The following GABRG3 variants were observed in gnomAD, a reference collection of about 807,000 sequenced individuals.
The protein encoded by GABRG3 is gamma-aminobutyric acid type A receptor subunit gamma3.
In GABRG3, 25 loss-of-function variants were observed where a neutral mutation model predicts 48.8. That is an observed-to-expected ratio of 0.51 (90% CI 0.37 to 0.72). GABRG3 has a LOEUF of 0.72. GABRG3 is among the 30% of genes least tolerant of loss of function. The pLI, the probability that GABRG3 is intolerant of heterozygous loss-of-function variation, is 0.00. For missense variants in GABRG3, 394 were observed against 577.9 expected, an observed-to-expected ratio of 0.68 and a Z score of 3.26; for synonymous variants, 227 against 217.6, an observed-to-expected ratio of 1.04 and a Z score of -0.38.
chr15:27,520,447 A>C (rs1891132338), intron 7 of GABRG3, among the ~76,000 whole-genome samples: 1 of 151,466 alleles, frequency 6.6e-6, no homozygotes, highest in African/African-American at 2.4e-5. Context: ...CCCATACGTT[A>C]ATGTCAGGAA....
chr15:27,074,567 G>A (rs1896880543), intron 3 of GABRG3, among the ~76,000 whole-genome samples: 1 of 151,890 alleles, frequency 6.6e-6, no homozygotes, highest in South Asian at 2.1e-4. Flanking sequence ...AGTACCAGGA[G>A]GTGGCTCTAA....
intron 5 of GABRG3, among the ~76,000 whole-genome samples, chr15:27,471,449 C>T (rs1889785460): frequency 6.6e-6 from 1 of 152,184 alleles, no homozygotes; most frequent in Admixed American, 6.5e-5. Flanking sequence ...TCAGGCCCCT[C>T]TCATAATCCT....
intron 3 of GABRG3, among the ~76,000 whole-genome samples, chr15:27,251,664 C>A (rs1407596063): frequency 6.6e-6 from 1 of 152,158 alleles, no homozygotes. Context: ...CTTCACAATG[C>A]AAGCATTTGG....
intron 3 of GABRG3, among the ~76,000 whole-genome samples, chr15:27,248,439 G>A (rs1254718192): frequency 1.3e-5 from 2 of 152,154 alleles, no homozygotes; most frequent in Non-Finnish European, 2.9e-5. Context: ...CATGGTCAGA[G>A]CTGAGTATAC....
intron 3 of GABRG3, among the ~76,000 whole-genome samples, chr15:27,150,040 G>A (rs997737963): frequency 2.6e-5 from 4 of 152,124 alleles, no homozygotes; most frequent in Non-Finnish European, 4.4e-5. Context: ...TCTTACAAGA[G>A]TAACCTGAGA....
intron 3 of GABRG3, among the ~76,000 whole-genome samples, chr15:27,192,863 T>A (rs1353249920): frequency 6.6e-6 from 1 of 152,172 alleles, no homozygotes; most frequent in Non-Finnish European, 1.5e-5. Context: ...GCTTTTGGTC[T>A]TTGATGATGG....
Position 27,341,620 on chromosome 15 carries a change from C to T in GABRG3, c.574+12732C>T, listed in dbSNP as rs1008104625. On this transcript the variant is annotated intron_variant, in intron 5 of 9. Transcript: ENST00000615808. Reference sequence around the variant, plus strand: ...AACATCAAGCACGAAGAGATGAGGTCATCTGCCCCTATCACGCAGGGGGCA... The same window carrying T: ...AACATCAAGCACGAAGAGATGAGGTTATCTGCCCCTATCACGCAGGGGGCA... 1.5e-4 allele frequency among the ~76,000 whole-genome samples: 23 copies of T among 152,178 alleles called. 1 individual carries two copies. The highest frequency in any genetic ancestry group is 1.2e-3 in the Admixed American group (19 of 15,280).
At chr15:27,188,162 T>A (rs549667730) in intron 3 of GABRG3, among the ~76,000 whole-genome samples, 3 of 152,050 alleles carry the variant, frequency 2.0e-5, no homozygotes, top group African/African-American at 7.2e-5. Context: ...AGTCTTTGCT[T>A]TTGTGAATAG....
intron 5 of GABRG3, among the ~76,000 whole-genome samples, chr15:27,421,451 C>T (rs546448019): frequency 2.0e-5 from 3 of 152,090 alleles, no homozygotes; most frequent in Non-Finnish European, 2.9e-5. Context: ...GAGTGGGCTG[C>T]GTATCCAACA....
At chr15:27,347,206 A>C (rs1376488388) in intron 5 of GABRG3, among the ~76,000 whole-genome samples, 1 of 152,172 alleles carries the variant, frequency 6.6e-6, no homozygotes, top group Non-Finnish European at 1.5e-5. Context: ...TTCTCCTCAC[A>C]TAGAGTCTGC....
intron 5 of GABRG3, among the ~76,000 whole-genome samples, chr15:27,396,301 T>A (rs986497262): frequency 3.9e-5 from 6 of 152,006 alleles, no homozygotes; most frequent in African/African-American, 1.4e-4. Flanking sequence ...CACTCAAAAG[T>A]CAGCAATAAG....
rs1386006464 is a variant in GABRG3 at position 27,539,365 on chromosome 15, T to G, written c.*6484T>G. 1 of 152,218 alleles carries G rather than the reference T, an allele frequency of 6.6e-6. No homozygotes were observed. Among genetic ancestry groups the G allele is most frequent in the Non-Finnish European group, 1.5e-5 (1 of 68,056 alleles). The allele number at this position is 152,218 out of a possible 1,614,324, so 9.4% of individuals were successfully genotyped here. ...ACAACTGGATTCATTAGCACACGTG[T>G]GGGAACATGTGCCTGTGCCCACCCA... On this transcript the variant is annotated 3_prime_UTR_variant, in exon 10 of 10. Coordinates refer to ENST00000615808, the MANE Select transcript of GABRG3 (RefSeq NM_033223.5).
At chr15:27,485,336 G>A (rs1445609421) in intron 6 of GABRG3, among the ~76,000 whole-genome samples, 1 of 152,150 alleles carries the variant, frequency 6.6e-6, no homozygotes, top group African/African-American at 2.4e-5. Flanking sequence ...CTATACTCCA[G>A]ACATTTTCTG....
At chr15:27,235,747 A>G (rs1889939229) in intron 3 of GABRG3, among the ~76,000 whole-genome samples, 6 of 152,210 alleles carry the variant, frequency 3.9e-5, no homozygotes. Flanking sequence ...TCAAAGAAAT[A>G]TCTTAGACTC....
chr15:27,235,311 A>G (rs1318998354), intron 3 of GABRG3, among the ~76,000 whole-genome samples: 3 of 150,678 alleles, frequency 2.0e-5, no homozygotes, highest in African/African-American at 7.5e-5. Flanking sequence ...TTTAGAGGTC[A>G]TAGGTCAACC....
At chr15:27,277,101 G>T (rs1326683208) in intron 3 of GABRG3, among the ~76,000 whole-genome samples, 1 of 152,256 alleles carries the variant, frequency 6.6e-6, no homozygotes, top group Non-Finnish European at 1.5e-5. Flanking sequence ...CCTTGCCTGT[G>T]GCAGGGAAGG....
chr15:27,307,120 C>CAT lies in GABRG3; in HGVS notation c.271-19687_271-19686dup, dbSNP rs563262398. On this transcript the variant is annotated intron_variant, in intron 3 of 9. Transcript: ENST00000615808. ...TAATATAAACATGTTTATATATAAA[C>CAT]ATAATATAAACATGTTTATACATAT... Among the ~76,000 whole-genome samples the CAT allele has an allele frequency of 1.1e-3, 129 of 118,832 alleles. 3 individuals carry two copies. Among genetic ancestry groups the CAT allele is most frequent in the African/African-American group, 4.3e-3 (105 of 24,182 alleles). The allele number at this position is 118,832 out of a possible 152,430, so 78.0% of individuals were successfully genotyped here.
At chr15:27,003,892 C>A (rs1428050833) in intron 2 of GABRG3, among the ~76,000 whole-genome samples, 3 of 145,584 alleles carry the variant, frequency 2.1e-5, no homozygotes, top group East Asian at 4.3e-4. Context: ...GGCGGCTGGC[C>A]GGGCAGAGGG....
chr15:27,500,816 T>G (rs567958287), intron 6 of GABRG3, among the ~76,000 whole-genome samples: 10 of 150,160 alleles, frequency 6.7e-5, no homozygotes, highest in African/African-American at 2.5e-4. Flanking sequence ...TTTAGTGACC[T>G]GCAGGTGTAA....
Sources: allele counts gnomAD v4.1 joint callset (sites outside exome capture counted in the v4.1 genomes callset), GRCh38; gene constraint gnomAD v4.1.1; transcripts MANE v1.5; gene names NCBI Gene and HGNC (gene_info 2026-07-23, HGNC 2026-07-21).